The following PRH1 variants were observed in gnomAD, a reference collection of about 807,000 sequenced individuals.
PRH1 encodes salivary acidic proline-rich phosphoprotein 1/2.
Under a neutral mutation model 7.9 loss-of-function variants are expected in PRH1, and 7 were observed. The observed-to-expected ratio is 0.89, with a 90% CI of 0.50 to 1.67. The LOEUF (loss-of-function observed/expected upper bound fraction) is 1.67, where lower values mean the gene tolerates loss of function less well. Ranked by LOEUF, PRH1 falls within the 40% of genes most tolerant of loss-of-function variation. The probability of loss-of-function intolerance (pLI) is 0.00; values close to 1 mark genes in which losing one functional copy is unlikely to be tolerated. For missense variants in PRH1, 109 were observed against 223.6 expected (o/e 0.49, Z 3.27); for synonymous variants, 45 against 80.8 (o/e 0.56, Z 2.38).
chr12:11,045,234 G>C (rs915310377), intron 1 of PRH1, among the ~76,000 whole-genome samples: 1 of 151,220 alleles, frequency 6.6e-6, no homozygotes, highest in South Asian at 2.1e-4. Flanking sequence ...AGAAGGCATG[G>C]ACATAGAGAG....
At chr12:11,087,332 G>A (rs1351967323) in intron 1 of PRH1, among the ~76,000 whole-genome samples, 3 of 116,744 alleles carry the variant, frequency 2.6e-5, no homozygotes, top group Admixed American at 2.5e-4. Flanking sequence ...GCTCTCAAGG[G>A]GTCCTCCCAC....
At chr12:11,010,066 CTCTT>C (rs1565545835) in intron 1 of PRH1, among the ~76,000 whole-genome samples, 1 of 151,898 alleles carries the variant, frequency 6.6e-6, no homozygotes, top group African/African-American at 2.4e-5. Flanking sequence ...TAAAATCAAA[CTCTT>C]TCTTATAGCC....
At chr12:11,165,643 A>G (rs1301600790) in intron 1 of PRH1, among the ~76,000 whole-genome samples, 1 of 152,236 alleles carries the variant, frequency 6.6e-6, no homozygotes, top group Admixed American at 6.5e-5. Context: ...GTGTGTATAC[A>G]TATTTACAGT....
Position 10,974,808 on chromosome 12 carries a change from T to C in PRH1, c.-125-1087A>G, listed in dbSNP as rs1056690851. Among the ~76,000 whole-genome samples, 9 of 152,018 alleles carry C rather than the reference T, an allele frequency of 5.9e-5. No homozygotes were observed. In the South Asian group the frequency reaches 1.9e-3, roughly 32 times the overall value. ...CTTGACCAGGCTGAAAAGGCAGAAA[T>C]GACAGAAATAGAATTCAGAATATGG... On this transcript the variant is annotated intron_variant, in intron 1 of 3. Transcript: ENST00000539853.
At chr12:11,047,138 C>T (rs570017761) in exon 1 of PRH1, 25 of 438,070 alleles carry the variant, frequency 5.7e-5, no homozygotes, top group African/African-American at 2.0e-4. Flanking sequence ...AAAAAGCTGG[C>T]GCCTTCTTGT....
rs539765990 is a variant in PRH1, at chr12:11,086,002, T to A, written n.124-38814A>T. On this transcript the variant is annotated intron_variant and non_coding_transcript_variant, in intron 1 of 4. Coordinates refer to the PRH1 transcript ENST00000541977. ...TTCCTACTAAAAGCATCCAAGGTTTTCTTTGGAAGCCCAGGAAGGCCAATA... is the reference window on the plus strand; with the variant it reads ...TTCCTACTAAAAGCATCCAAGGTTTACTTTGGAAGCCCAGGAAGGCCAATA... Among the ~76,000 whole-genome samples the A allele has an allele frequency of 1.2e-3, 155 of 128,860 alleles. 8 individuals carry two copies. Among genetic ancestry groups the A allele is most frequent in the African/African-American group, 1.9e-3 (69 of 37,074 alleles). 84.5% of individuals were successfully genotyped at this position (128,860 alleles called of 152,430 possible). A position where few individuals can be genotyped will look rare whatever the true frequency, so the allele number is the denominator to read the frequency against.
rs1338770865 is a variant in PRH1, at chr12:10,898,167, G to A, written c.-58-13892C>T. Among the ~76,000 whole-genome samples the A allele has an allele frequency of 3.9e-5, 6 of 152,186 alleles. No individual in the cohort carries two copies. The East Asian group carries it at 1.2e-3, about 29-fold the overall frequency. On this transcript the variant is annotated intron_variant, in intron 2 of 3. Transcript: ENST00000539853. ...TGAACTTAATCTTAATTCTGATGAGGTCAAACCAGGAAAGGCCAATTAGTC... is the reference window on the plus strand; with the variant it reads ...TGAACTTAATCTTAATTCTGATGAGATCAAACCAGGAAAGGCCAATTAGTC...
chr12:11,159,188 C>T (rs61928603), intron 1 of PRH1: 110,709 of 151,628 alleles, frequency 0.73, 42,939 homozygotes, highest in East Asian at 0.96. Flanking sequence ...GCCTTGAAGA[C>T]AGACTATTTT....
intron 1 of PRH1, among the ~76,000 whole-genome samples, chr12:11,146,331 G>GA (rs1369021783): frequency 7.3e-5 from 11 of 151,490 alleles, no homozygotes; most frequent in South Asian, 2.1e-4. Flanking sequence ...CTCTAAATGA[G>GA]AAAAAAAATG....
chr12:11,014,154 G>C (rs551387728), intron 1 of PRH1, among the ~76,000 whole-genome samples: 1 of 152,268 alleles, frequency 6.6e-6, no homozygotes, highest in Admixed American at 6.5e-5. Context: ...CCTGTCTGTT[G>C]AATCACTTGG....
intron 1 of PRH1, among the ~76,000 whole-genome samples, chr12:11,057,889 C>A (rs35605594): frequency 0.011 from 1,671 of 152,322 alleles, 64 homozygotes; most frequent in Admixed American, 0.078. Context: ...TATGTCAGGA[C>A]TATGTCACTT....
At position 10,954,454 on chromosome 12, in the gene PRH1, T is replaced by G. The variant is rs80025323; in HGVS notation, c.-59+19201A>C. 7.0e-3 allele frequency among the ~76,000 whole-genome samples: 1,043 copies of G among 148,540 alleles called. 11 individuals carry two copies. The highest frequency in any genetic ancestry group is 0.025 in the African/African-American group (994 of 40,084). On this transcript the variant is annotated intron_variant, in intron 2 of 3. Coordinates refer to the PRH1 transcript ENST00000539853. Reference sequence around the variant, plus strand: ...ATGGAAAATAGAAGCAGGGTTGCTATTCTAACTTCTTTTTGTTTGTTTGTT... The same window carrying G: ...ATGGAAAATAGAAGCAGGGTTGCTAGTCTAACTTCTTTTTGTTTGTTTGTT...
At chr12:10,924,472 C>T (rs1013650379) in intron 2 of PRH1, among the ~76,000 whole-genome samples, 3 of 152,206 alleles carry the variant, frequency 2.0e-5, no homozygotes, top group African/African-American at 7.2e-5. Context: ...CCACAGTCAT[C>T]TGAAGGCTCA....
intron 1 of PRH1, among the ~76,000 whole-genome samples, chr12:11,170,419 C>T (rs534431149): frequency 1.3e-5 from 2 of 152,090 alleles, no homozygotes; most frequent in East Asian, 1.9e-4. Flanking sequence ...TGGTGGCGGG[C>T]GCCTGTAGTC....
chr12:10,936,887 T>C (rs1369357479), intron 2 of PRH1, among the ~76,000 whole-genome samples: 1 of 152,152 alleles, frequency 6.6e-6, no homozygotes, highest in Non-Finnish European at 1.5e-5. Flanking sequence ...CATAACAGTC[T>C]TTCTGAAGCA....
intron 1 of PRH1, among the ~76,000 whole-genome samples, chr12:11,138,796 T>C (rs761414083): frequency 8.2e-6 from 1 of 121,730 alleles, no homozygotes; most frequent in African/African-American, 2.8e-5. Context: ...CCCACCATTT[T>C]AGGAGGCTGA....
intron 1 of PRH1, among the ~76,000 whole-genome samples, chr12:11,166,655 T>G (rs1482865023): frequency 6.6e-6 from 1 of 152,242 alleles, no homozygotes; most frequent in Non-Finnish European, 1.5e-5. Flanking sequence ...CTCCAGTTTC[T>G]ATTACTCCAC....
At chr12:11,017,637 A>T (rs1941360742) in intron 1 of PRH1, among the ~76,000 whole-genome samples, 1 of 151,962 alleles carries the variant, frequency 6.6e-6, no homozygotes, top group Non-Finnish European at 1.5e-5. Context: ...GGCATTGGCC[A>T]CCATGCCTGG....
intron 1 of PRH1, among the ~76,000 whole-genome samples, chr12:11,031,870 G>C (rs914321174): frequency 3.9e-5 from 6 of 152,184 alleles, no homozygotes; most frequent in South Asian, 2.1e-4. Context: ...ATCTCTCAAT[G>C]TAATATAACT....
Sources: gnomAD v4.1 joint callset for allele counts (sites outside exome capture counted in the v4.1 genomes callset) on GRCh38, gnomAD v4.1.1 for gene constraint, MANE v1.5 for transcripts, NCBI Gene and HGNC (gene_info 2026-07-23, HGNC 2026-07-21) for gene names.